The following CDYL variants were observed in gnomAD, a reference collection of about 807,000 sequenced individuals.
CDYL encodes chromodomain Y like, also known as chromodomain Y-like protein.
Under a neutral mutation model 47.3 loss-of-function variants are expected in CDYL, and 8 were observed. The observed-to-expected ratio is 0.17, with a 90% CI of 0.10 to 0.31. CDYL has a LOEUF of 0.31. Ranked by LOEUF, CDYL falls within the 10% of genes least tolerant of loss-of-function variation. The pLI, the probability that CDYL is intolerant of heterozygous loss-of-function variation, is 1.00. For missense variants in CDYL, 471 were observed against 701.4 expected (o/e 0.67, Z 3.71); for synonymous variants, 266 against 265.0 (o/e 1.00, Z -0.04).
chr6:4,818,859 C>T (rs1354386798), intron 1 of CDYL, among the ~76,000 whole-genome samples: 2 of 152,226 alleles, frequency 1.3e-5, no homozygotes, highest in South Asian at 2.1e-4. Flanking sequence ...GAGAGAGGCA[C>T]GAGGGCTTAT....
chr6:4,809,213 T>G (rs1759457686), intron 1 of CDYL, among the ~76,000 whole-genome samples: 1 of 152,246 alleles, frequency 6.6e-6, no homozygotes, highest in Non-Finnish European at 1.5e-5. Flanking sequence ...TCTTCTGCAC[T>G]TGACTTTTTT....
At chr6:4,918,889 A>C (rs983470763) in intron 2 of CDYL, among the ~76,000 whole-genome samples, 3 of 152,212 alleles carry the variant, frequency 2.0e-5, no homozygotes, top group Non-Finnish European at 4.4e-5. Flanking sequence ...CTTAAGGATT[A>C]ATGCTCTCAG....
chr6:4,830,669 T>C (rs1002175375), intron 1 of CDYL, among the ~76,000 whole-genome samples: 1 of 151,970 alleles, frequency 6.6e-6, no homozygotes, highest in Non-Finnish European at 1.5e-5. Context: ...TAGTGACATA[T>C]GTATACATGT....
At chr6:4,855,482 T>G (rs1022978972) in intron 1 of CDYL, among the ~76,000 whole-genome samples, 5 of 152,138 alleles carry the variant, frequency 3.3e-5, no homozygotes, top group African/African-American at 1.2e-4. Context: ...TTAACCTATT[T>G]AAGCCCAGGG....
intron 1 of CDYL, among the ~76,000 whole-genome samples, chr6:4,806,463 C>T (rs902473446): frequency 5.3e-5 from 8 of 152,194 alleles, no homozygotes; most frequent in African/African-American, 1.2e-4. Context: ...TTTAGAGTTT[C>T]GCAGCAAAGT....
chr6:4,737,844 G>A (rs1305619610), intron 3 of CDYL, among the ~76,000 whole-genome samples: 2 of 151,924 alleles, frequency 1.3e-5, no homozygotes, highest in Admixed American at 6.6e-5. Flanking sequence ...TCTTAAATAA[G>A]ACCCAAAACG....
intron 2 of CDYL, among the ~76,000 whole-genome samples, chr6:4,934,568 C>T (rs1301072784): frequency 1.3e-5 from 2 of 152,202 alleles, no homozygotes; most frequent in African/African-American, 4.8e-5. Context: ...AAAGTCTGAT[C>T]TAGTTTTCTT....
At position 4,895,491 on chromosome 6, in the gene CDYL, A is replaced by G. The variant is rs1762249787; in HGVS notation, c.691+3112A>G. Among the ~76,000 whole-genome samples the G allele has an allele frequency of 1.4e-5, 2 of 140,868 alleles. 1 individual carries two copies. The highest frequency in any genetic ancestry group is 5.4e-5 in the African/African-American group (2 of 37,248). The allele number at this position is 140,868 out of a possible 152,430, so 92.4% of individuals were successfully genotyped here. Reference sequence around the variant, plus strand: ...TATATACGTATATATGTATATATACATGTATACATATATACGTATATATGT... The same window carrying G: ...TATATACGTATATATGTATATATACGTGTATACATATATACGTATATATGT... On this transcript the variant is annotated intron_variant, in intron 2 of 6. Transcript: ENST00000397588.
intron 1 of CDYL, among the ~76,000 whole-genome samples, chr6:4,781,237 G>A (rs898601670): frequency 6.6e-6 from 1 of 152,130 alleles, no homozygotes; most frequent in African/African-American, 2.4e-5. Flanking sequence ...CCTACTTTGC[G>A]ATAAGATTCC....
At chr6:4,716,288 T>C (rs114443756) in intron 2 of CDYL, among the ~76,000 whole-genome samples, 1,942 of 152,170 alleles carry the variant, frequency 0.013, 39 homozygotes, top group African/African-American at 0.044. Flanking sequence ...AGTCAGAAAT[T>C]GTTCAACATA....
intron 1 of CDYL, among the ~76,000 whole-genome samples, chr6:4,834,424 A>G (rs1365992386): frequency 2.0e-5 from 3 of 149,688 alleles, no homozygotes; most frequent in Non-Finnish European, 3.0e-5. Flanking sequence ...TGGCTTGTAG[A>G]GTTTCTGCCG....
At chr6:4,889,878 A>T in intron 1 of CDYL, 1 of 719,998 alleles carries the variant, frequency 1.4e-6, no homozygotes, top group Non-Finnish European at 1.7e-6. Context: ...TGCGGAGGCT[A>T]CTGTTGCTCT....
At chr6:4,715,551 TATC>T (rs1419545312) in intron 1 of CDYL, among the ~76,000 whole-genome samples, 2 of 152,230 alleles carry the variant, frequency 1.3e-5, no homozygotes, top group East Asian at 1.9e-4. Context: ...TTTTATTCCT[TATC>T]ATTTTAAATG....
chr6:4,898,202 A>G (rs948797761), intron 2 of CDYL, among the ~76,000 whole-genome samples: 1 of 142,786 alleles, frequency 7.0e-6, no homozygotes, highest in Non-Finnish European at 1.5e-5. Context: ...AGCCTATTCC[A>G]CAGAGCAAGA....
intron 1 of CDYL, among the ~76,000 whole-genome samples, chr6:4,794,330 T>C (rs1759010747): frequency 1.3e-5 from 2 of 152,008 alleles, no homozygotes; most frequent in Admixed American, 6.6e-5. Flanking sequence ...TGCTGAGGAC[T>C]GAGAATTGAC....
chr6:4,766,802 G>A (rs747516374), intron 3 of CDYL, among the ~76,000 whole-genome samples: 2 of 151,844 alleles, frequency 1.3e-5, no homozygotes, highest in Non-Finnish European at 2.9e-5. Context: ...TCAGGAGCTC[G>A]AGACCAGCCT....
chr6:4,738,819 A>G (rs151081320), intron 3 of CDYL, among the ~76,000 whole-genome samples: 5 of 152,386 alleles, frequency 3.3e-5, no homozygotes, highest in African/African-American at 1.2e-4. Flanking sequence ...CAATATGTGC[A>G]GTATAAACAA....
intron 1 of CDYL, among the ~76,000 whole-genome samples, chr6:4,842,130 A>C (rs1170653008): frequency 6.9e-6 from 1 of 144,176 alleles, no homozygotes; most frequent in Non-Finnish European, 1.5e-5. Flanking sequence ...AAACTTGTTA[A>C]TATAAAATTA....
In CDYL at chr6:4,794,776, T is replaced by TTTG. The variant is rs145892466; in HGVS notation, c.24+17985_24+17987dup. On this transcript the variant is annotated intron_variant, in intron 1 of 6. Transcript: ENST00000397588. ...TGATTGATTCCTAGAAACTAGAGTT[T>TTTG]TTGTTGTTGTTGTTGTTGGTCTCGT... 7.4e-5 allele frequency among the ~76,000 whole-genome samples: 11 copies of TTTG among 149,650 alleles called. No homozygotes were observed. The South Asian group carries it at 8.3e-4, about 11-fold the overall frequency.
Sources: allele counts gnomAD v4.1 joint callset (sites outside exome capture counted in the v4.1 genomes callset), GRCh38; gene constraint gnomAD v4.1.1; transcripts MANE v1.5; gene names NCBI Gene and HGNC (gene_info 2026-07-23, HGNC 2026-07-21).